ARSB: variants seen among roughly 807,000 people sequenced by gnomAD.
ARSB encodes arylsulfatase B.
Under a neutral mutation model 50.9 loss-of-function variants are expected in ARSB, and 41 were observed. The ratio of observed to expected loss-of-function variants is 0.81; its 90% CI spans 0.63 to 1.04. The LOEUF (loss-of-function observed/expected upper bound fraction) is 1.04. Ranked by LOEUF, ARSB falls within the 50% of genes least tolerant of loss-of-function variation. The probability of loss-of-function intolerance (pLI) is 0.00; values close to 1 mark genes in which losing one functional copy is unlikely to be tolerated. For missense variants in ARSB, 672 were observed against 693.3 expected (o/e 0.97, Z 0.35); for synonymous variants, 269 against 284.8 (o/e 0.94, Z 0.56).
chr5:78,968,158 C>A (rs530190314), intron 2 of ARSB, among the ~76,000 whole-genome samples: 10 of 151,494 alleles, frequency 6.6e-5, no homozygotes, highest in African/African-American at 2.2e-4. Context: ...CTATCTTCCC[C>A]AACTTTGTGA....
chr5:78,813,814 T>C (rs1554072092), intron 6 of ARSB, among the ~76,000 whole-genome samples: 2 of 152,168 alleles, frequency 1.3e-5, no homozygotes, highest in Non-Finnish European at 2.9e-5. Context: ...TGCAGTACTA[T>C]AAAAATCTCT....
At chr5:78,821,198 T>C (rs1417338388) in intron 6 of ARSB, among the ~76,000 whole-genome samples, 1 of 152,184 alleles carries the variant, frequency 6.6e-6, no homozygotes, top group Non-Finnish European at 1.5e-5. Flanking sequence ...TGCAATAGCG[T>C]GATCTCAGCT....
intron 5 of ARSB, among the ~76,000 whole-genome samples, chr5:78,882,369 G>A (rs948862011): frequency 1.3e-5 from 2 of 152,158 alleles, no homozygotes; most frequent in African/African-American, 4.8e-5. Flanking sequence ...AACTTCTGTT[G>A]TAGAGGCTGC....
chr5:78,795,188 TA>T (rs1225947760), intron 6 of ARSB, among the ~76,000 whole-genome samples: 1 of 152,256 alleles, frequency 6.6e-6, no homozygotes, highest in Non-Finnish European at 1.5e-5. Flanking sequence ...TTCAAACTTT[TA>T]AGGACAAAAT....
intron 6 of ARSB, among the ~76,000 whole-genome samples, chr5:78,838,692 A>G (rs1270992002): frequency 1.3e-5 from 2 of 152,228 alleles, no homozygotes; most frequent in Non-Finnish European, 2.9e-5. Context: ...TCTATGCCCA[A>G]ACTCACTATG....
At chr5:78,853,895 T>C (rs1217075711) in intron 5 of ARSB, among the ~76,000 whole-genome samples, 1 of 152,226 alleles carries the variant, frequency 6.6e-6, no homozygotes, top group Non-Finnish European at 1.5e-5. Context: ...AGTGTGCCGT[T>C]TTTTAAGCCC....
chr5:78,970,951 G>A (rs935337936), intron 1 of ARSB, among the ~76,000 whole-genome samples: 2 of 152,210 alleles, frequency 1.3e-5, no homozygotes, highest in Non-Finnish European at 2.9e-5. Context: ...GGGCAACAGA[G>A]CAAGACCCTG....
At chr5:78,846,128 T>C (rs555080961) in intron 5 of ARSB, among the ~76,000 whole-genome samples, 1 of 152,334 alleles carries the variant, frequency 6.6e-6, no homozygotes, top group South Asian at 2.1e-4. Context: ...GCACCATTTA[T>C]TGAAAAGACT....
intron 4 of ARSB, among the ~76,000 whole-genome samples, chr5:78,923,044 A>G (rs1227545106): frequency 6.6e-6 from 1 of 152,218 alleles, no homozygotes. Context: ...CTTGGACCAA[A>G]GGCAGAAGTT....
At chr5:78,794,012 G>A (rs1385128925) in intron 6 of ARSB, among the ~76,000 whole-genome samples, 1 of 152,118 alleles carries the variant, frequency 6.6e-6, no homozygotes, top group Non-Finnish European at 1.5e-5. Context: ...ATTCTGTAGA[G>A]CCCGTACATT....
At chr5:78,883,783 A>G (rs1747872726) in intron 5 of ARSB, 1 of 152,200 alleles carries the variant, frequency 6.6e-6, no homozygotes, top group Non-Finnish European at 1.5e-5. Context: ...CACTTCTTCT[A>G]TCCATTCCTG....
At chr5:78,855,446 C>T (rs1746089733) in intron 5 of ARSB, among the ~76,000 whole-genome samples, 1 of 152,116 alleles carries the variant, frequency 6.6e-6, no homozygotes, top group African/African-American at 2.4e-5. Context: ...TCTGCTTGGC[C>T]CCACAGGGGA....
intron 4 of ARSB, among the ~76,000 whole-genome samples, chr5:78,942,613 T>C (rs1463578672): frequency 6.6e-6 from 1 of 152,256 alleles, no homozygotes; most frequent in Non-Finnish European, 1.5e-5. Flanking sequence ...TTCTTAATCC[T>C]GAGTTCTAGT....
In ARSB at chr5:78,955,491, G is replaced by A; in HGVS notation, c.702C>T (p.Leu234=). The change falls in exon 4 of 8, where the codon CTC becomes CTT. Residue 234 remains leucine (L), a synonymous_variant. Coordinates refer to ENST00000264914, the MANE Select transcript of ARSB (RefSeq NM_000046.5). ...TNHPPEKPLF[L]YLALQSVHEP... is the part of the protein sequence containing the mutation. ...CATGCACAGACTGGAGAGCAAGGTA[G>A]AGAAACAGAGGCTGGAAAGAAAGTT... 6.2e-7 allele frequency: 1 copy of A among 1,614,024 alleles called. No homozygotes were observed.
At chr5:78,935,716 G>C (rs1175661695) in intron 4 of ARSB, among the ~76,000 whole-genome samples, 1 of 152,160 alleles carries the variant, frequency 6.6e-6, no homozygotes, top group African/African-American at 2.4e-5. Context: ...GTATGTGTCA[G>C]GAAGTGCTGC....
intron 4 of ARSB, among the ~76,000 whole-genome samples, chr5:78,937,366 T>C (rs1053684424): frequency 3.8e-5 from 5 of 131,530 alleles, no homozygotes. Flanking sequence ...ATGTAAGATA[T>C]ATATATGTAA....
intron 6 of ARSB, among the ~76,000 whole-genome samples, chr5:78,808,525 T>G (rs1477776120): frequency 6.6e-6 from 1 of 152,176 alleles, no homozygotes; most frequent in African/African-American, 2.4e-5. Flanking sequence ...CCTGGGTGGC[T>G]GGGAGGATGC....
At chr5:78,875,533 G>C (rs1747440687) in intron 5 of ARSB, among the ~76,000 whole-genome samples, 1 of 152,030 alleles carries the variant, frequency 6.6e-6, no homozygotes, top group Non-Finnish European at 1.5e-5. Flanking sequence ...ACCAGGTAAA[G>C]GCAAACAAAA....
At chr5:78,841,156 C>CTAA (rs1491427657) in intron 5 of ARSB, among the ~76,000 whole-genome samples, 3 of 102,870 alleles carry the variant, frequency 2.9e-5, no homozygotes, top group African/African-American at 1.1e-4. Context: ...ACTACTACTA[C>CTAA]TACTACTACT....
Sources: gnomAD v4.1 joint callset for allele counts (sites outside exome capture counted in the v4.1 genomes callset) on GRCh38, gnomAD v4.1.1 for gene constraint, MANE v1.5 for transcripts, NCBI Gene and HGNC (gene_info 2026-07-23, HGNC 2026-07-21) for gene names.